Variants in ARFGEF1 observed in about 807,000 individuals in gnomAD.
ARFGEF1 encodes ARF guanine nucleotide exchange factor 1.
A neutral mutation model predicts 231.0 loss-of-function variants in ARFGEF1; 42 were observed. The observed-to-expected ratio is 0.18, with a 90% CI of 0.14 to 0.24. The LOEUF (loss-of-function observed/expected upper bound fraction) is 0.24. Among genes scored for constraint, ARFGEF1 ranks in the 10% least tolerant of loss-of-function variants. ARFGEF1 has a pLI of 1.00. For missense variants in ARFGEF1, 1,345 were observed against 2,192.0 expected (o/e 0.61, Z 7.72); for synonymous variants, 710 against 732.3 (o/e 0.97, Z 0.49).
At chr8:67,316,558 C>A (rs1807326653) in intron 1 of ARFGEF1, among the ~76,000 whole-genome samples, 1 of 151,902 alleles carries the variant, frequency 6.6e-6, no homozygotes, top group Non-Finnish European at 1.5e-5. Flanking sequence ...CCTCCCCAGG[C>A]TCCATGATCC....
In ARFGEF1 at chr8:67,343,507, T is replaced by G; in HGVS notation, c.-220A>C. On this transcript the variant is annotated 5_prime_UTR_variant, in exon 1 of 39. Coordinates refer to ENST00000262215, the MANE Select transcript of ARFGEF1 (RefSeq NM_006421.5). ...GGTCCTCGCCGCCCCCAAGAAGCCG[T>G]ACCTCGAGGGCCGCGCCCGTCGGGC... is the stretch of plus-strand genomic sequence containing the variant. 1.5e-5 allele frequency: 18 copies of G among 1,207,550 alleles called. No individual in the cohort carries two copies. The highest frequency in any genetic ancestry group is 3.9e-5 in the East Asian group (1 of 25,826). The allele number at this position is 1,207,550 out of a possible 1,614,324, so 74.8% of individuals were successfully genotyped here.
chr8:67,231,972 AC>A (rs1444390017), intron 23 of ARFGEF1, among the ~76,000 whole-genome samples: 1 of 152,036 alleles, frequency 6.6e-6, no homozygotes, highest in South Asian at 2.1e-4. Flanking sequence ...TTAAAAAAAA[AC>A]AAAACACAAA....
downstream of ARFGEF1, chr8:67,196,023 TTC>T (rs1353781917): frequency 1.3e-5 from 2 of 158,298 alleles, no homozygotes; most frequent in Non-Finnish European, 2.8e-5. Context: ...TTATTCCAGT[TTC>T]TGTGTGATGC....
chr8:67,256,512 T>C (rs1840458720), intron 17 of ARFGEF1, among the ~76,000 whole-genome samples: 1 of 152,166 alleles, frequency 6.6e-6, no homozygotes, highest in African/African-American at 2.4e-5. Context: ...ACTGCAAAGG[T>C]TAATCTCAAA....
At chr8:67,312,639 T>C (rs1807126759) in intron 1 of ARFGEF1, among the ~76,000 whole-genome samples, 1 of 152,154 alleles carries the variant, frequency 6.6e-6, no homozygotes, top group African/African-American at 2.4e-5. Flanking sequence ...ATGGGAAGTG[T>C]AAAAATATGG....
intron 33 of ARFGEF1, among the ~76,000 whole-genome samples, chr8:67,212,400 T>TA (rs1285434397): frequency 6.6e-6 from 1 of 152,182 alleles, no homozygotes; most frequent in Non-Finnish European, 1.5e-5. Flanking sequence ...CCAGTATTAT[T>TA]AAGAGTGTAA....
chr8:67,242,571 G>A (rs573495651), intron 19 of ARFGEF1, among the ~76,000 whole-genome samples: 10 of 152,326 alleles, frequency 6.6e-5, no homozygotes, highest in Admixed American at 2.0e-4. Flanking sequence ...GTACACTGTG[G>A]GACTCGGGTG....
intron 19 of ARFGEF1, among the ~76,000 whole-genome samples, chr8:67,242,289 A>G (rs1243090311): frequency 6.6e-6 from 1 of 152,186 alleles, no homozygotes; most frequent in African/African-American, 2.4e-5. Context: ...TTGTAGCTCC[A>G]AAACAGACTC....
rs1318662456 is a variant in ARFGEF1 at position 67,238,902 on chromosome 8, AAG to A, written c.2980-11_2980-10del. On this transcript the variant is annotated splice_polypyrimidine_tract_variant and intron_variant, in intron 20 of 38. Coordinates refer to ENST00000262215, the MANE Select transcript of ARFGEF1 (RefSeq NM_006421.5). ...TATGCATCTCTCTCCAGCTATAAAAAAGAGAAAAGTATGTTTACACAGTTCTA... is the reference window on the plus strand; with the variant it reads ...TATGCATCTCTCTCCAGCTATAAAAAAGAAAAGTATGTTTACACAGTTCTA... 6.2e-7 allele frequency: 1 copy of A among 1,611,846 alleles called. No homozygotes were observed. Among genetic ancestry groups the A allele is most frequent in the African/African-American group, 1.3e-5 (1 of 74,974 alleles).
chr8:67,302,568 T>C, intron 1 of ARFGEF1, 102 bp from the exon 2 acceptor site: 3 of 765,634 alleles, frequency 3.9e-6, no homozygotes, highest in Non-Finnish European at 6.0e-6. Context: ...CTACAAAAAG[T>C]TGGAAAGAAT....
intron 19 of ARFGEF1, among the ~76,000 whole-genome samples, chr8:67,245,966 A>C (rs577899755): frequency 6.6e-6 from 1 of 150,670 alleles, no homozygotes; most frequent in South Asian, 2.1e-4. Context: ...ATCAGAAAAA[A>C]TATATTTCAA....
At chr8:67,258,010 G>T in intron 16 of ARFGEF1, 75 bp downstream of exon 16, 1 of 1,381,814 alleles carries the variant, frequency 7.2e-7, no homozygotes, top group Non-Finnish European at 1.0e-6. Context: ...CCTATTATCT[G>T]TAAATCCCTG....
At chr8:67,288,824 G>A (rs910566623) in intron 6 of ARFGEF1, among the ~76,000 whole-genome samples, 6 of 152,036 alleles carry the variant, frequency 3.9e-5, no homozygotes, top group African/African-American at 1.4e-4. Context: ...CCCTGAAGAA[G>A]CATCTGGGCC....
rs141148231 is a variant in ARFGEF1 at position 67,296,691 on chromosome 8, C to G, written c.460-81G>C. On this transcript the variant is annotated intron_variant, in intron 4 of 38. Transcript: ENST00000262215. Reference sequence around the variant, plus strand: ...GGAGACAGTCTTTCTCGCTCTGTCACCCAGGCTGGAGTGCAGTAGTGTGAT... The same window carrying G: ...GGAGACAGTCTTTCTCGCTCTGTCAGCCAGGCTGGAGTGCAGTAGTGTGAT... 3 of 1,196,310 alleles carry G rather than the reference C, an allele frequency of 2.5e-6. No homozygotes were observed. In the African/African-American group the frequency reaches 4.6e-5, roughly 18 times the overall value. 74.1% of individuals were successfully genotyped at this position (1,196,310 alleles called of 1,614,324 possible).
chr8:67,192,218 G>A (rs771968882), intron 5 of ARFGEF1, among the ~76,000 whole-genome samples: 29 of 151,978 alleles, frequency 1.9e-4, no homozygotes, highest in Non-Finnish European at 3.1e-4. Flanking sequence ...GGGATTACAG[G>A]TGCATGCCAA....
downstream of ARFGEF1, among the ~76,000 whole-genome samples, chr8:67,194,959 TCCCCAAACCTTGCTTTA>T (rs1837534939): frequency 6.6e-6 from 1 of 152,100 alleles, no homozygotes; most frequent in Admixed American, 6.6e-5. Flanking sequence ...TGAAGAGTAT[TCCCCAAACCTTGCTTTA>T]AAAAAAATAA....
intron 10 of ARFGEF1, among the ~76,000 whole-genome samples, chr8:67,270,589 C>G (rs542324158): frequency 6.6e-6 from 1 of 151,492 alleles, no homozygotes; most frequent in Non-Finnish European, 1.5e-5. Flanking sequence ...TACAACATCA[C>G]AACCAAAACA....
chr8:67,195,484 C>T, downstream of ARFGEF1: 1 of 1,614,186 alleles, frequency 6.2e-7, no homozygotes, highest in South Asian at 1.1e-5. Context: ...CCTGGCACTT[C>T]AGAAACGCTG....
At position 67,288,181 on chromosome 8, in the gene ARFGEF1, T is replaced by C. The variant is rs1287448267; in HGVS notation, c.917-116A>G. The C allele has an allele frequency of 1.5e-5, 8 of 541,108 alleles. No individual in the cohort carries two copies. The South Asian group carries it at 1.7e-4, about 12-fold the overall frequency. 33.5% of individuals were successfully genotyped at this position (541,108 alleles called of 1,614,324 possible). A position where few individuals can be genotyped will look rare whatever the true frequency, so the allele number is the denominator to read the frequency against. ...GAGGAATAAAAGAAAAAAAATCAAA[T>C]AGATAACATGAAATTAGAAGCAATT... On this transcript the variant is annotated intron_variant, in intron 6 of 38. Transcript: ENST00000262215.
Sources: allele counts gnomAD v4.1 joint callset (sites outside exome capture counted in the v4.1 genomes callset), GRCh38; gene constraint gnomAD v4.1.1; transcripts MANE v1.5; gene names NCBI Gene and HGNC (gene_info 2026-07-23, HGNC 2026-07-21).